MIB1: variants seen among roughly 807,000 people sequenced by gnomAD.
MIB1 encodes the protein E3 ubiquitin-protein ligase MIB1.
In MIB1, 278 loss-of-function variants were observed where a neutral mutation model predicts 124.5. The observed-to-expected ratio is 2.23, with a 90% CI of 2.02 to 2.47. The LOEUF is 2.47. Among genes scored for constraint, MIB1 ranks in the 30% most tolerant of loss-of-function variants. The probability of loss-of-function intolerance (pLI) is 0.00; values close to 1 mark genes in which losing one functional copy is unlikely to be tolerated. For missense variants in MIB1, 957 were observed against 1,254.4 expected (o/e 0.76, Z 3.58); for synonymous variants, 446 against 429.4 (o/e 1.04, Z -0.48).
At chr18:21,716,032 C>CA (rs1176631008) in intron 1 of MIB1, among the ~76,000 whole-genome samples, 1 of 152,134 alleles carries the variant, frequency 6.6e-6, no homozygotes, top group African/African-American at 2.4e-5. Flanking sequence ...AAATTCATTG[C>CA]AAAAAGATCA....
chr18:21,744,787 A>AT (rs2040894321), intron 1 of MIB1, among the ~76,000 whole-genome samples: 1 of 152,240 alleles, frequency 6.6e-6, no homozygotes, highest in African/African-American at 2.4e-5. Context: ...CGTATGTCTC[A>AT]TTAATTATAG....
chr18:21,793,736 A>G (rs997077959), intron 7 of MIB1: 3 of 141,086 alleles, frequency 2.1e-5, no homozygotes, highest in African/African-American at 8.1e-5. Flanking sequence ...AGCAGAGATC[A>G]CACTTATTGC....
chr18:21,714,102 C>A (rs2040678042), intron 1 of MIB1, among the ~76,000 whole-genome samples: 2 of 151,828 alleles, frequency 1.3e-5, no homozygotes, highest in South Asian at 4.2e-4. Flanking sequence ...TATCCATGCA[C>A]AGAGGAGTCA....
chr18:21,795,868 A>C (rs2146449287), intron 7 of MIB1, among the ~76,000 whole-genome samples: 1 of 152,298 alleles, frequency 6.6e-6, no homozygotes, highest in South Asian at 2.1e-4. Context: ...AGATTGTTAG[A>C]TGTACCAAAA....
At chr18:21,794,966 G>A (rs1048458336) in intron 7 of MIB1, among the ~76,000 whole-genome samples, 5 of 151,950 alleles carry the variant, frequency 3.3e-5, no homozygotes, top group Non-Finnish European at 7.4e-5. Context: ...CGACTGTAGA[G>A]ACATCAAGTG....
In MIB1 at chr18:21,868,416, CCT is replaced by C. The variant is rs1281235205; in HGVS notation, c.*3754_*3755del. The C allele has an allele frequency of 6.6e-6, 1 of 152,358 alleles. No homozygotes were observed. Among genetic ancestry groups the C allele is most frequent in the Non-Finnish European group, 1.5e-5 (1 of 67,886 alleles). The allele number at this position is 152,358 out of a possible 1,614,324, so 9.4% of individuals were successfully genotyped here. On this transcript the variant is annotated 3_prime_UTR_variant, in exon 21 of 21. Transcript: ENST00000261537. ...TAAAATTTTTGGGAGGGACAGTGCA[CCT>C]CTCCTCTGAATTGTTAGCAATTAAA...
chr18:21,851,831 G>A (rs1176779050), intron 17 of MIB1, among the ~76,000 whole-genome samples: 2 of 152,042 alleles, frequency 1.3e-5, no homozygotes, highest in African/African-American at 4.8e-5. Flanking sequence ...TATAACCTGA[G>A]GAAATAATTG....
chr18:21,739,805 C>T (rs2040821933), upstream of MIB1, among the ~76,000 whole-genome samples: 1 of 151,984 alleles, frequency 6.6e-6, no homozygotes, highest in Non-Finnish European at 1.5e-5. Context: ...GTCCCAGCTA[C>T]TCAGAAGGCT....
intron 1 of MIB1, among the ~76,000 whole-genome samples, chr18:21,760,839 G>A (rs927754223): frequency 2.6e-5 from 4 of 152,214 alleles, no homozygotes; most frequent in African/African-American, 9.7e-5. Flanking sequence ...GAGCTGCACA[G>A]TCAGTTAATT....
chr18:21,849,436 T>G, intron 17 of MIB1, 48 bp downstream of exon 17: 285 of 986,298 alleles, frequency 2.9e-4, no homozygotes, highest in Non-Finnish European at 3.9e-4. Context: ...AAGTTGAGAC[T>G]AGAATTAATG....
At position 21,844,137 on chromosome 18, in the gene MIB1, G is replaced by A; in HGVS notation, c.2095G>A (p.Gly699Arg). Residue 699 changes from glycine to arginine, a missense_variant, in exon 15 of 21, where the codon GGG (glycine) becomes AGG (arginine). Coordinates refer to ENST00000261537, the MANE Select transcript of MIB1 (RefSeq NM_020774.4). Reference sequence around the variant, plus strand: ...CAAGCTTGATATTCAGGATAAGGATGGGGATACTCCTTTGCATGAAGCTCT... The same window carrying A: ...CAAGCTTGATATTCAGGATAAGGATAGGGATACTCCTTTGCATGAAGCTCT... ...GAKLDIQDKD[G>R]DTPLHEALRH... is the part of the protein sequence containing the mutation. The A allele has an allele frequency of 6.2e-7, 1 of 1,614,002 alleles. No individual in the cohort carries two copies. The highest frequency in any genetic ancestry group is 1.1e-5 in the South Asian group (1 of 91,080).
At chr18:21,779,815 CA>C (rs1157531582) in intron 6 of MIB1, 130 bp downstream of exon 6, 4 of 705,522 alleles carry the variant, frequency 5.7e-6, no homozygotes, top group Non-Finnish European at 9.8e-6. Context: ...AGTAAAAATC[CA>C]GAATATATAT....
At chr18:21,840,351 G>T (rs2042071867) in intron 13 of MIB1, among the ~76,000 whole-genome samples, 1 of 151,896 alleles carries the variant, frequency 6.6e-6, no homozygotes, top group Non-Finnish European at 1.5e-5. Context: ...AGTAATATGG[G>T]AAAGGATTGT....
chr18:21,838,446 T>A lies in MIB1; in HGVS notation c.1911T>A (p.His637Gln), dbSNP rs765634646. The A allele has an allele frequency of 6.2e-7, 1 of 1,612,162 alleles. No individual in the cohort carries two copies. Among genetic ancestry groups the A allele is most frequent in the Non-Finnish European group, 8.5e-7 (1 of 1,178,920 alleles). The change falls in exon 13 of 21, where the codon CAT (histidine) becomes CAA (glutamine). Residue 637 changes from histidine (H) to glutamine (Q), a missense_variant. Physicochemically the swap from His to Gln is conservative, Grantham distance 24. Coordinates refer to ENST00000261537, the MANE Select transcript of MIB1 (RefSeq NM_020774.4). ...EKKDDGYTAL[H>Q]LAALNNHVEV... ...AAGATGATGGTTATACTGCCTTACA[T>A]CTGGCTGCCCTTAATAATCACGTAG...
At chr18:21,852,371 A>AT in intron 17 of MIB1, among the ~76,000 whole-genome samples, 1 of 152,308 alleles carries the variant, frequency 6.6e-6, no homozygotes, top group East Asian at 1.9e-4. Context: ...AGTAGTTACC[A>AT]TTTTTGGTGA....
intron 1 of MIB1, among the ~76,000 whole-genome samples, chr18:21,730,396 G>A (rs1003114983): frequency 2.6e-5 from 4 of 152,146 alleles, no homozygotes; most frequent in Non-Finnish European, 4.4e-5. Flanking sequence ...GTGAAACCCC[G>A]TCTCTGCTAA....
At chr18:21,850,177 T>A (rs1268735435) in intron 17 of MIB1, among the ~76,000 whole-genome samples, 1 of 152,172 alleles carries the variant, frequency 6.6e-6, no homozygotes, top group East Asian at 1.9e-4. Context: ...TGTACCAGAT[T>A]ACTAATTTTG....
At chr18:21,846,094 G>A (rs540980962) in intron 15 of MIB1, among the ~76,000 whole-genome samples, 1 of 152,140 alleles carries the variant, frequency 6.6e-6, no homozygotes, top group Non-Finnish European at 1.5e-5. Context: ...ACGTGTTGAA[G>A]TCAGGTAGTG....
intron 1 of MIB1, among the ~76,000 whole-genome samples, chr18:21,724,661 TGCCACTGCACTCCTGCCTGGGCGACAGA>T (rs1252812008): frequency 2.7e-4 from 36 of 134,348 alleles, no homozygotes; most frequent in African/African-American, 9.7e-4. Context: ...GCTGAGATTA[TGCCACTGCACTCCTGCCTGGGCGACAGA>T]GCAAAACTCT....
Sources: allele counts gnomAD v4.1 joint callset (sites outside exome capture counted in the v4.1 genomes callset), GRCh38; gene constraint gnomAD v4.1.1; transcripts MANE v1.5; gene names NCBI Gene and HGNC (gene_info 2026-07-23, HGNC 2026-07-21).